The following TFB1M variants were observed in gnomAD, a reference collection of about 807,000 sequenced individuals.
TFB1M encodes dimethyladenosine transferase 1, mitochondrial.
Under a neutral mutation model 31.1 loss-of-function variants are expected in TFB1M, and 27 were observed. That is an observed-to-expected ratio of 0.87 (90% CI 0.64 to 1.20). The LOEUF (loss-of-function observed/expected upper bound fraction) is 1.20, where lower values mean the gene tolerates loss of function less well. Ranked by LOEUF, TFB1M falls within the 50% of genes most tolerant of loss-of-function variation. The pLI is 0.00. For synonymous variants in TFB1M, 166 were observed against 151.8 expected (o/e 1.09, Z -0.69); for missense variants, 394 against 418.7 (o/e 0.94, Z 0.51).
At chr6:155,269,470 T>C (rs532135031) in intron 5 of TFB1M, among the ~76,000 whole-genome samples, 6 of 152,076 alleles carry the variant, frequency 3.9e-5, no homozygotes, top group African/African-American at 1.2e-4. Flanking sequence ...TAATGGCATG[T>C]GCCACTACGC....
the TFB1M span, among the ~76,000 whole-genome samples, chr6:155,247,302 GT>G: frequency 2.0e-4 from 30 of 152,272 alleles, no homozygotes; most frequent in South Asian, 4.2e-4. Context: ...ATGGTGTAGG[GT>G]CTGGATAACA....
At chr6:155,303,152 T>C (rs909882704) in intron 2 of TFB1M, 2 of 152,202 alleles carry the variant, frequency 1.3e-5, no homozygotes, top group African/African-American at 4.8e-5. Context: ...AATTTTATCA[T>C]TATACATTGT....
chr6:155,266,710 G>C (rs1300663087), intron 5 of TFB1M, among the ~76,000 whole-genome samples: 1 of 151,900 alleles, frequency 6.6e-6, no homozygotes, highest in Non-Finnish European at 1.5e-5. Context: ...AGCCAGGCGT[G>C]GTGGCGGCCG....
At chr6:155,233,111 C>G in the TFB1M span, among the ~76,000 whole-genome samples, 1 of 152,156 alleles carries the variant, frequency 6.6e-6, no homozygotes, top group African/African-American at 2.4e-5. Context: ...GCAGTGGACT[C>G]CTGCCACGTA....
intron 5 of TFB1M, among the ~76,000 whole-genome samples, chr6:155,267,206 C>A (rs965924049): frequency 6.6e-6 from 1 of 152,126 alleles, no homozygotes; most frequent in East Asian, 1.9e-4. Flanking sequence ...AACTTCTGGC[C>A]GCAAGCAATC....
In TFB1M at chr6:155,306,317, T is replaced by C. The variant is rs551457647; in HGVS notation, c.285+4871A>G. On this transcript the variant is annotated intron_variant, in intron 2 of 6. Transcript: ENST00000367166. ...ATTTCTGTAAAAAGTATAATATACG[T>C]CTACCACAGGACCCGGATATTCTAC... 2.6e-5 allele frequency among the ~76,000 whole-genome samples: 4 copies of C among 152,258 alleles called. No homozygotes were observed. In the South Asian group the frequency reaches 8.3e-4, roughly 32 times the overall value.
Position 155,256,467 on chromosome 6 carries a change from T to A in TFB1M, c.*1369A>T. The A allele has an allele frequency of 6.2e-7, 1 of 1,614,060 alleles. No homozygotes were observed. On this transcript the variant is annotated 3_prime_UTR_variant, in exon 7 of 7. Coordinates refer to ENST00000367166, the MANE Select transcript of TFB1M (RefSeq NM_016020.4). ...CCTGTTTCTGTATCACAGCGAAATG[T>A]GTTTTTCTCACTGTAGCTTCATCCA...
Position 155,257,229 on chromosome 6 carries a change from T to C in TFB1M, c.*607A>G. On this transcript the variant is annotated 3_prime_UTR_variant, in exon 7 of 7. Coordinates refer to ENST00000367166, the MANE Select transcript of TFB1M (RefSeq NM_016020.4). ...AAAAAAAACTGTTCATTCCTGGGTT[T>C]TGTGCAGTATACATTTTCCCACAAA... is the stretch of plus-strand genomic sequence containing the variant. The C allele has an allele frequency of 8.3e-7, 1 of 1,211,666 alleles. No individual in the cohort carries two copies. Among genetic ancestry groups the C allele is most frequent in the Non-Finnish European group, 1.1e-6 (1 of 878,376 alleles). 75.1% of individuals were successfully genotyped at this position (1,211,666 alleles called of 1,614,324 possible).
chr6:155,279,631 T>C lies in TFB1M; in HGVS notation c.666+5527A>G, dbSNP rs187529335. ...ATGACTTTAGCAAATACTAACTTAC[T>C]TGACTTTTGAGATTTTTAGCCTAGC... On this transcript the variant is annotated intron_variant, in intron 5 of 6. Transcript: ENST00000367166. 4.6e-5 allele frequency among the ~76,000 whole-genome samples: 7 copies of C among 152,372 alleles called. 1 individual carries two copies. Among genetic ancestry groups the C allele is most frequent in the Admixed American group, 3.9e-4 (6 of 15,308 alleles).
chr6:155,314,122 G>T (rs985642263), intron 1 of TFB1M, 174 bp downstream of exon 1: 1 of 1,491,860 alleles, frequency 6.7e-7, no homozygotes, highest in East Asian at 2.5e-5. Context: ...CGCACTTCAC[G>T]TGTCTCCTGG....
chr6:155,240,745 C>T, the TFB1M span: 6 of 1,579,910 alleles, frequency 3.8e-6, no homozygotes, highest in South Asian at 3.4e-5. Context: ...ATTCGTGCCT[C>T]TTTGATGATG....
the TFB1M span, among the ~76,000 whole-genome samples, chr6:155,233,936 C>A: frequency 6.7e-6 from 1 of 149,908 alleles, no homozygotes; most frequent in African/African-American, 2.5e-5. Flanking sequence ...GCACTCCAGC[C>A]TGGGTGGCAG....
chr6:155,243,319 G>C, the TFB1M span, among the ~76,000 whole-genome samples: 1 of 152,168 alleles, frequency 6.6e-6, no homozygotes, highest in Non-Finnish European at 1.5e-5. Flanking sequence ...TGAGGCAGAA[G>C]AGGCCAGGAG....
chr6:155,282,888 C>T (rs1250235917), intron 5 of TFB1M, among the ~76,000 whole-genome samples: 5 of 151,976 alleles, frequency 3.3e-5, no homozygotes, highest in Non-Finnish European at 7.4e-5. Flanking sequence ...CCACCATGCC[C>T]GGCTAATTTT....
At chr6:155,236,835 G>T in the TFB1M span, among the ~76,000 whole-genome samples, 1 of 152,088 alleles carries the variant, frequency 6.6e-6, no homozygotes, top group Non-Finnish European at 1.5e-5. Context: ...CTCCCACTGG[G>T]CCCCTCCCAC....
At chr6:155,258,752 C>T (rs1449396193) in intron 6 of TFB1M, among the ~76,000 whole-genome samples, 2 of 152,122 alleles carry the variant, frequency 1.3e-5, no homozygotes, top group African/African-American at 4.8e-5. Flanking sequence ...AGAGCTCATC[C>T]CAAGGGGCTT....
intron 4 of TFB1M, among the ~76,000 whole-genome samples, chr6:155,292,829 C>T (rs1776994715): frequency 6.6e-6 from 1 of 152,042 alleles, no homozygotes; most frequent in Non-Finnish European, 1.5e-5. Flanking sequence ...AAAACAGCTA[C>T]TTATTTGTTC....
downstream of TFB1M, chr6:155,254,117 TAAGGG>T: frequency 1.3e-6 from 2 of 1,545,296 alleles, no homozygotes; most frequent in Admixed American, 3.6e-5. Context: ...TTATGTCTCT[TAAGGG>T]AATTTATATT....
chr6:155,302,350 G>A (rs1777466915), intron 2 of TFB1M, among the ~76,000 whole-genome samples: 1 of 152,064 alleles, frequency 6.6e-6, no homozygotes, highest in Admixed American at 6.5e-5. Flanking sequence ...GTATGAGAAG[G>A]AAAGAATCTA....
Sources: gnomAD v4.1 joint callset for allele counts (sites outside exome capture counted in the v4.1 genomes callset) on GRCh38, gnomAD v4.1.1 for gene constraint, MANE v1.5 for transcripts, NCBI Gene and HGNC (gene_info 2026-07-23, HGNC 2026-07-21) for gene names.